Variants in BBS1 observed in about 807,000 individuals in gnomAD.
BBS1 encodes the protein BBSome complex member BBS1.
A neutral mutation model predicts 73.9 loss-of-function variants in BBS1; 60 were observed. That is an observed-to-expected ratio of 0.81 (90% confidence interval 0.66 to 1.01). The LOEUF is 1.01. Ranked by LOEUF, BBS1 falls within the 50% of genes least tolerant of loss-of-function variation. The pLI, the probability that BBS1 is intolerant of heterozygous loss-of-function variation, is 0.00. For synonymous variants in BBS1, 283 were observed against 317.4 expected (o/e 0.89, Z 1.15); for missense variants, 718 against 770.3 (o/e 0.93, Z 0.80).
intron 3 of BBS1, among the ~76,000 whole-genome samples, chr11:66,512,583 G>A (rs1245472753): frequency 6.6e-6 from 1 of 152,130 alleles, no homozygotes; most frequent in East Asian, 1.9e-4. Flanking sequence ...ATACACTGTC[G>A]ACAATTATTC....
intron 7 of BBS1, among the ~76,000 whole-genome samples, chr11:66,518,003 G>A (rs911576283): frequency 8.0e-5 from 12 of 150,014 alleles, no homozygotes; most frequent in Non-Finnish European, 3.0e-5. Flanking sequence ...TGTTGCCCAG[G>A]CTGGAGTGCA....
At chr11:66,510,990 A>G (rs573451767) in intron 1 of BBS1, 23 bp from the exon 2 acceptor site, 1 of 1,613,844 alleles carries the variant, frequency 6.2e-7, no homozygotes. Flanking sequence ...CTCACTCCCC[A>G]ACTGTCTTTC....
At chr11:66,527,310 C>T (rs1320476405) in intron 13 of BBS1, among the ~76,000 whole-genome samples, 2 of 151,932 alleles carry the variant, frequency 1.3e-5, no homozygotes, top group Non-Finnish European at 2.9e-5. Flanking sequence ...ATTCATCGTT[C>T]GTTCATTCAT....
chr11:66,530,815 G>A (rs1856745230), intron 14 of BBS1, 79 bp from the exon 15 acceptor site: 1 of 1,591,672 alleles, frequency 6.3e-7, no homozygotes, highest in Non-Finnish European at 8.6e-7. Flanking sequence ...GGCATTGGTG[G>A]AAGGCAGGCA....
intron 9 of BBS1, among the ~76,000 whole-genome samples, chr11:66,522,614 G>A (rs956675826): frequency 7.9e-5 from 12 of 152,048 alleles, no homozygotes; most frequent in East Asian, 3.9e-4. Context: ...CCAAAGTGCC[G>A]GGATTACAGT....
Position 66,528,172 on chromosome 11 carries a change from C to T in BBS1, c.1339+1365C>T, listed in dbSNP as rs1487913328. ...CAAAGGTTGCAGTGAACCAAGATCACGCCACTGCACTCCAGCCTGGGTGAC... is the reference window on the plus strand; with the variant it reads ...CAAAGGTTGCAGTGAACCAAGATCATGCCACTGCACTCCAGCCTGGGTGAC... On this transcript the variant is annotated intron_variant, in intron 13 of 16. Transcript: ENST00000318312. Among the ~76,000 whole-genome samples the T allele has an allele frequency of 3.3e-5, 5 of 151,880 alleles. No individual in the cohort carries two copies. The South Asian group carries it at 6.3e-4, about 19-fold the overall frequency.
intron 8 of BBS1, 71 bp from the exon 9 acceptor site, chr11:66,521,199 G>C: frequency 8.9e-7 from 1 of 1,121,332 alleles, no homozygotes; most frequent in Non-Finnish European, 1.4e-6. Context: ...CTCACTCAGA[G>C]GAGTTACTGA....
In BBS1 at chr11:66,515,533, G is replaced by T; in HGVS notation, c.433-7G>T. ...AGCTCACAGGCTCTCTTCCCACATT[G>T]TCACAGGACCGAATCGACCCCTTAA... On this transcript the variant is annotated splice_region_variant and splice_polypyrimidine_tract_variant and intron_variant, in intron 4 of 16. Coordinates refer to ENST00000318312, the MANE Select transcript of BBS1 (RefSeq NM_024649.5). The T allele has an allele frequency of 6.2e-7, 1 of 1,614,132 alleles. No individual in the cohort carries two copies. Among genetic ancestry groups the T allele is most frequent in the Non-Finnish European group, 8.5e-7 (1 of 1,180,016 alleles).
chr11:66,530,954 C>T lies in BBS1; in HGVS notation c.1534C>T (p.Arg512Cys), dbSNP rs369653969. The change falls in exon 15 of 17, where the codon CGT becomes TGT. Residue 512 changes from arginine (R) to cysteine (C), a missense_variant. Transcript: ENST00000318312. ...TLHLQNTSTT[R>C]PVLGLLVCFL... ...TCACCTGCAGAACACCTCAACAACC[C>T]GTCCTGTCCTGGGGCTGCTGGTCTG... is the stretch of plus-strand genomic sequence containing the variant. 1.1e-5 allele frequency: 17 copies of T among 1,614,236 alleles called. No individual in the cohort carries two copies. In the East Asian group the frequency reaches 2.0e-4, roughly 19 times the overall value.
chr11:66,531,068 C>A (rs936876890), intron 15 of BBS1, 40 bp downstream of exon 15: 1 of 1,612,960 alleles, frequency 6.2e-7, no homozygotes, highest in Non-Finnish European at 8.5e-7. Context: ...GTGGGAAAGG[C>A]CAGGGCAGGG....
rs1308274396 is a variant in BBS1 at position 66,530,084 on chromosome 11, C to T, written c.1473+132C>T. On this transcript the variant is annotated intron_variant, in intron 14 of 16. Transcript: ENST00000318312. ...TCAGCCCGTGCTCCCCATCACCTTC[C>T]CGCAGACCTGGGGACCGAGTCTCAT... 4 of 1,318,852 alleles carry T rather than the reference C, an allele frequency of 3.0e-6. No individual in the cohort carries two copies. The East Asian group carries it at 7.6e-5, about 25-fold the overall frequency. 81.7% of individuals were successfully genotyped at this position (1,318,852 alleles called of 1,614,324 possible). A position where few individuals can be genotyped will look rare whatever the true frequency, so the allele number is the denominator to read the frequency against.
rs769098484 is a variant in BBS1, at chr11:66,519,767, C to T, written c.723+19C>T. ...AGCCAAGGTCAGCGTCAGGTCTGGC[C>T]CTGGGCCCGCTGGAGGCCCAGGCTG... On this transcript the variant is annotated intron_variant, in intron 8 of 16. Transcript: ENST00000318312. 8 of 1,611,904 alleles carry T rather than the reference C, an allele frequency of 5.0e-6. No individual in the cohort carries two copies. The Admixed American group carries it at 1.0e-4, about 20-fold the overall frequency.
At chr11:66,525,124 T>G (rs1856428678) in intron 11 of BBS1, among the ~76,000 whole-genome samples, 1 of 148,810 alleles carries the variant, frequency 6.7e-6, no homozygotes, top group African/African-American at 2.5e-5. Flanking sequence ...GGCGTGAACC[T>G]GGGAGGTGGA....
At chr11:66,521,958 C>T (rs985314750) in intron 9 of BBS1, among the ~76,000 whole-genome samples, 8 of 148,326 alleles carry the variant, frequency 5.4e-5, no homozygotes, top group African/African-American at 2.0e-4. Context: ...TTGCCTCACG[C>T]CTGTAATCCC....
rs749707706 is a variant in BBS1, at chr11:66,526,616, G to C, written c.1181-33G>C. 10 of 1,614,080 alleles carry C rather than the reference G, an allele frequency of 6.2e-6. No individual in the cohort carries two copies. In the South Asian group the frequency reaches 1.1e-4, roughly 18 times the overall value. On this transcript the variant is annotated intron_variant, in intron 12 of 16. Transcript: ENST00000318312. The stretch of plus-strand genomic sequence containing the variant: ...ATGGGAATGTGGGTAGAACTGGGGA[G>C]GACAAATCCATTTCCACTGTCCACT...
rs758444687 is a variant in BBS1, at chr11:66,533,535, A to G, written c.*1498A>G. The G allele has an allele frequency of 2.6e-5, 4 of 152,216 alleles. No homozygotes were observed. Among genetic ancestry groups the G allele is most frequent in the African/African-American group, 9.6e-5 (4 of 41,458 alleles). 9.4% of individuals were successfully genotyped at this position (152,216 alleles called of 1,614,324 possible). ...AAAAAATACTCAGATTACTATTTCT[A>G]TTACTATGTGAAAGTTAACTGCGGA... is the stretch of plus-strand genomic sequence containing the variant. On this transcript the variant is annotated 3_prime_UTR_variant, in exon 17 of 17. Transcript: ENST00000318312.
chr11:66,526,068 T>A, intron 11 of BBS1, 55 bp from the exon 12 acceptor site: 1 of 1,559,506 alleles, frequency 6.4e-7, no homozygotes, highest in Admixed American at 1.7e-5. Flanking sequence ...CCATCCCCTG[T>A]CTTGCTTTCC....
chr11:66,526,733 C>A lies in BBS1; in HGVS notation c.1265C>A (p.Ala422Asp). Residue 422 changes from alanine (A) to aspartate (D), a missense_variant, in exon 13 of 17, where the codon GCC becomes GAC. Coordinates refer to ENST00000318312, the MANE Select transcript of BBS1 (RefSeq NM_024649.5). The part of the protein sequence containing the change: ...GSEVGPPPAQ[A>D]MKLNVPRKTR... ...GAGGTGGGTCCCCCACCAGCCCAGGCCATGAAACTCAATGTGCCCCGAAAG... is the reference window on the plus strand; with the variant it reads ...GAGGTGGGTCCCCCACCAGCCCAGGACATGAAACTCAATGTGCCCCGAAAG... 6.2e-7 allele frequency: 1 copy of A among 1,614,218 alleles called. No homozygotes were observed. The highest frequency in any genetic ancestry group is 2.2e-5 in the East Asian group (1 of 44,880).
intron 11 of BBS1, among the ~76,000 whole-genome samples, chr11:66,525,815 G>C (rs1176235476): frequency 2.0e-5 from 3 of 152,158 alleles, no homozygotes; most frequent in African/African-American, 4.8e-5. Flanking sequence ...AGACATATTT[G>C]TGTTTTTGAA....
Sources: allele counts gnomAD v4.1 joint callset (sites outside exome capture counted in the v4.1 genomes callset), GRCh38; gene constraint gnomAD v4.1.1; transcripts MANE v1.5; gene names NCBI Gene and HGNC (gene_info 2026-07-23, HGNC 2026-07-21).